Variants in UNC80 observed in about 807,000 individuals in gnomAD.
UNC80 encodes the protein protein unc-80 homolog.
UNC80 carries 164 observed loss-of-function variants against 384.6 expected under a neutral mutation model. The ratio of observed to expected loss-of-function variants is 0.43; its 90% CI spans 0.38 to 0.49. UNC80 has a LOEUF of 0.49. UNC80 is among the 20% of genes least tolerant of loss of function. UNC80 has a pLI of 0.00. For synonymous variants in UNC80, 1,486 were observed against 1,527.8 expected, an observed-to-expected ratio of 0.97 and a Z score of 0.64; for missense variants, 3,330 against 4,143.0, an observed-to-expected ratio of 0.80 and a Z score of 5.39.
In UNC80 at chr2:209,915,399, T is replaced by C. The variant is rs566720878; in HGVS notation, c.5029+1459T>C. Among the ~76,000 whole-genome samples the C allele has an allele frequency of 4.6e-3, 561 of 123,046 alleles. 4 individuals carry two copies. Among genetic ancestry groups the C allele is most frequent in the Non-Finnish European group, 7.2e-3 (441 of 61,164 alleles). The allele number at this position is 123,046 out of a possible 152,430, so 80.7% of individuals were successfully genotyped here. A position where few individuals can be genotyped will look rare whatever the true frequency, so the allele number is the denominator to read the frequency against. ...CAGCCTGGGCGACAGAGTGAGACTC[T>C]GTCTCAAAAAAAAAAAAAAAAAAAA... On this transcript the variant is annotated intron_variant, in intron 31 of 64. Transcript: ENST00000673920.
chr2:209,958,626 G>A (rs1008741396), intron 49 of UNC80, among the ~76,000 whole-genome samples: 2 of 152,146 alleles, frequency 1.3e-5, no homozygotes, highest in African/African-American at 2.4e-5. Flanking sequence ...TAGCTTAAGT[G>A]ATATTTAGGG....
chr2:209,815,141 A>G (rs1008380976), intron 8 of UNC80, 116 bp from the exon 9 acceptor site: 10 of 973,722 alleles, frequency 1.0e-5, no homozygotes, highest in Non-Finnish European at 1.4e-5. Context: ...TACAAGTTCA[A>G]TTGTTCAAAG....
intron 27 of UNC80, among the ~76,000 whole-genome samples, chr2:209,894,999 G>A (rs540564651): frequency 2.0e-5 from 3 of 152,268 alleles, no homozygotes; most frequent in African/African-American, 7.2e-5. Flanking sequence ...TACAATGCAA[G>A]GATGCTCTAA....
intron 63 of UNC80, among the ~76,000 whole-genome samples, 175 bp downstream of exon 63, chr2:209,993,601 C>T (rs933497570): frequency 1.3e-5 from 2 of 152,114 alleles, no homozygotes; most frequent in Admixed American, 1.3e-4. Flanking sequence ...CTTGCCTTCC[C>T]CAGTCCCTGT....
intron 47 of UNC80, among the ~76,000 whole-genome samples, chr2:209,952,464 TG>T (rs1210232585): frequency 6.6e-6 from 1 of 152,200 alleles, no homozygotes; most frequent in Non-Finnish European, 1.5e-5. Flanking sequence ...AACTCCTCTT[TG>T]GAAGTCCCTG....
chr2:209,834,946 G>T lies in UNC80; in HGVS notation c.2977G>T (p.Val993Leu). 6.4e-7 allele frequency: 1 copy of T among 1,551,018 alleles called. No individual in the cohort carries two copies. The change falls in exon 18 of 65, where the codon GTA (valine) becomes TTA (leucine). Residue 993 changes from valine (V) to leucine (L), a missense_variant. Val to Leu is a conservative substitution (Grantham distance 32). Transcript: ENST00000673920. ...GGGAAGCATTGTGGATAAAGGCCAG[G>T]TATCCTCTGCACCTGAGGAATGTCG... ...EAGSIVDKGQ[V>L]SSAPEECRSF...
Position 209,839,540 on chromosome 2 carries a change from A to G in UNC80, c.3250+110A>G. On this transcript the variant is annotated intron_variant, in intron 19 of 64. Transcript: ENST00000673920. The surrounding 1 kb of genome is among the most constrained non-coding windows in gnomAD (Gnocchi z 4.1). The stretch of plus-strand genomic sequence containing the variant: ...AAAAAGAAGACCTTCAAGTCATAAG[A>G]CCTAGACTGACTTCATTCATTCATT... The G allele has an allele frequency of 9.3e-7, 1 of 1,070,156 alleles. No homozygotes were observed. 66.3% of individuals were successfully genotyped at this position (1,070,156 alleles called of 1,614,324 possible).
intron 26 of UNC80, among the ~76,000 whole-genome samples, chr2:209,889,614 G>A (rs1248598439): frequency 1.3e-5 from 2 of 152,090 alleles, no homozygotes; most frequent in African/African-American, 2.4e-5. Flanking sequence ...TCTACATTAG[G>A]TGTTTCTCCT....
chr2:209,922,339 G>A lies in UNC80; in HGVS notation c.5618G>A (p.Arg1873His), dbSNP rs1051195562. 3 of 1,551,782 alleles carry A rather than the reference G, an allele frequency of 1.9e-6. No individual in the cohort carries two copies. The highest frequency in any genetic ancestry group is 2.6e-6 in the Non-Finnish European group (3 of 1,146,980). The change falls in exon 35 of 65, where the codon CGC (arginine) becomes CAC (histidine). Residue 1873 changes from arginine (R) to histidine (H), a missense_variant. Arg to His is a conservative substitution (Grantham distance 29). This residue lies in a region of UNC80 where 1,049 missense variants were observed against 1,488.6 expected (regional missense o/e 0.70). Transcript: ENST00000673920. ...SSTSHRNYSF[R>H]RGSVWSVRSA... ...ACTTCCCACAGGAATTATTCCTTCC[G>A]CCGCGGGTCAGTCTGGTCAGTGCGT... is the stretch of plus-strand genomic sequence containing the variant.
Position 209,922,295 on chromosome 2 carries a change from T to A in UNC80, c.5574T>A (p.Ser1858Arg). 1 of 1,552,166 alleles carries A rather than the reference T, an allele frequency of 6.4e-7. No homozygotes were observed. The highest frequency in any genetic ancestry group is 2.4e-5 in the East Asian group (1 of 40,912). ...TNLASRRLSVSPSCTSSTSHR... is the reference protein window; with the variant it reads ...TNLASRRLSVRPSCTSSTSHR... ...TGGCATCCCGTCGACTGTCTGTGAG[T>A]CCATCCTGCACCTCCAGCACTTCCC... Residue 1858 changes from serine to arginine, a missense_variant, in exon 35 of 65, where the codon AGT (serine) becomes AGA (arginine). This residue lies in a region of UNC80 where 1,049 missense variants were observed against 1,488.6 expected (regional missense o/e 0.70). Coordinates refer to ENST00000673920, the MANE Select transcript of UNC80 (RefSeq NM_001371986.1).
rs1289271226 is a variant in UNC80 at position 209,908,742 on chromosome 2, A to C, written c.4782+3777A>C. Among the ~76,000 whole-genome samples the C allele has an allele frequency of 2.6e-5, 4 of 152,212 alleles. No homozygotes were observed. The East Asian group carries it at 7.7e-4, about 29-fold the overall frequency. ...ATTTTTCCTAAAGCTATCTATGAGC[A>C]ACATTATTGTAAGGCCAAGACCAGG... On this transcript the variant is annotated intron_variant, in intron 29 of 64. Transcript: ENST00000673920.
At chr2:209,836,346 A>AT (rs138450605) in intron 18 of UNC80, among the ~76,000 whole-genome samples, 5,085 of 151,314 alleles carry the variant, frequency 0.034, 281 homozygotes, top group African/African-American at 0.12. Flanking sequence ...AAAAGAAGAG[A>AT]TTTTTTTTTT....
At chr2:209,893,537 A>G (rs2086544091) in intron 26 of UNC80, among the ~76,000 whole-genome samples, 1 of 152,184 alleles carries the variant, frequency 6.6e-6, no homozygotes, top group Non-Finnish European at 1.5e-5. Flanking sequence ...GGGTTGCACC[A>G]TTTGGAATCA....
At chr2:209,992,574 G>T (rs116334345) in intron 62 of UNC80, among the ~76,000 whole-genome samples, 3 of 152,068 alleles carry the variant, frequency 2.0e-5, no homozygotes, top group Non-Finnish European at 4.4e-5. Flanking sequence ...CAAATGTTTC[G>T]ATCTTCTATT....
chr2:209,785,981 G>A, intron 4 of UNC80, 85 bp from the exon 5 acceptor site: 2 of 1,409,674 alleles, frequency 1.4e-6, no homozygotes, highest in Non-Finnish European at 1.9e-6. Context: ...AACCTTGTGA[G>A]TGATGTTAAT....
intron 52 of UNC80, chr2:209,968,246 T>A (rs2092791481): frequency 6.6e-6 from 1 of 152,318 alleles, no homozygotes; most frequent in African/African-American, 2.4e-5. Flanking sequence ...TTTGAACCAC[T>A]CTACTTAGAG....
intron 25 of UNC80, among the ~76,000 whole-genome samples, chr2:209,883,043 T>C (rs1296798637): frequency 6.6e-6 from 1 of 152,214 alleles, no homozygotes; most frequent in East Asian, 1.9e-4. Flanking sequence ...GGATTTTCAT[T>C]GTTAATGTGT....
chr2:209,978,583 G>A lies in UNC80; in HGVS notation c.8993G>A (p.Arg2998His), dbSNP rs2093071670. The change falls in exon 59 of 65, where the codon CGC becomes CAC. Residue 2998 changes from arginine (R) to histidine (H), a missense_variant. Arg to His is a conservative substitution (Grantham distance 29, BLOSUM62 0). Transcript: ENST00000673920. The part of the protein sequence containing the change: ...STVGTSTSAY[R>H]LSLATMSRSN... The stretch of plus-strand genomic sequence containing the variant: ...GTGGGCACCTCCACCTCTGCTTACC[G>A]CCTGAGCTTGGCCACCATGTCCCGC... The A allele has an allele frequency of 1.4e-5, 21 of 1,550,902 alleles. No individual in the cohort carries two copies. The highest frequency in any genetic ancestry group is 2.4e-5 in the South Asian group (2 of 84,000).
intron 44 of UNC80, among the ~76,000 whole-genome samples, chr2:209,942,160 G>A (rs2091672851): frequency 6.6e-6 from 1 of 152,130 alleles, no homozygotes; most frequent in Non-Finnish European, 1.5e-5. Flanking sequence ...GTGCATGCAA[G>A]GGATCTAGGT....
Sources: gnomAD v4.1 joint callset for allele counts (sites outside exome capture counted in the v4.1 genomes callset) on GRCh38, gnomAD v4.1.1 for gene constraint, gnomAD v4.1.1 regional missense constraint, Gnocchi (gnomAD v3.1) non-coding constraint, MANE v1.5 for transcripts, NCBI Gene and HGNC (gene_info 2026-07-23, HGNC 2026-07-21) for gene names.